MEP1A: variants seen among roughly 807,000 people sequenced by gnomAD.
The protein encoded by MEP1A is meprin A subunit alpha, also known as N-benzoyl-L-tyrosyl-P-amino-benzoic acid hydrolase subunit alpha.
Under a neutral mutation model 84.5 loss-of-function variants are expected in MEP1A, and 68 were observed. The observed-to-expected ratio is 0.80, with a 90% confidence interval of 0.66 to 0.98. The LOEUF (loss-of-function observed/expected upper bound fraction) is 0.98, where lower values mean the gene tolerates loss of function less well. Among genes scored for constraint, MEP1A ranks in the 50% least tolerant of loss-of-function variants. The probability of loss-of-function intolerance (pLI) is 0.00; values close to 1 mark genes in which losing one functional copy is unlikely to be tolerated. For missense variants in MEP1A, 887 were observed against 919.9 expected, an observed-to-expected ratio of 0.96 and a Z score of 0.46; for synonymous variants, 337 against 336.8, an observed-to-expected ratio of 1.00 and a Z score of -0.01.
Position 46,833,510 on chromosome 6 carries a change from C to T in MEP1A, c.1581C>T (p.Phe527=), listed in dbSNP as rs868163445. Residue 527 remains phenylalanine, a synonymous_variant, in exon 11 of 14, where the codon TTC becomes TTT. Coordinates refer to ENST00000230588, the MANE Select transcript of MEP1A (RefSeq NM_005588.3). The part of the protein sequence containing the change: ...VRNRMSSSMV[F]TTSKSHTSPA... ...ACAGGATGTCCTCAAGCATGGTGTT[C>T]ACTACCTCGAAGTCGCACACATCTC... 6.2e-7 allele frequency: 1 copy of T among 1,614,032 alleles called. No homozygotes were observed. Among genetic ancestry groups the T allele is most frequent in the Non-Finnish European group, 8.5e-7 (1 of 1,179,986 alleles).
Position 46,825,342 on chromosome 6 carries a change from GT to G in MEP1A, c.628del (p.Ser210LeufsTer2). ...ACCTCAATACACCCTATGATTATGA[GT>G]CTTTGATGCACTACCAGCCTTTCTC... ...TDLNTPYDYESLMHYQPFSFN... is the reference protein window; with the variant it reads ...TDLNTPYDYEXLMHYQPFSFN... On this transcript the variant is annotated frameshift_variant, in exon 8 of 14. Coordinates refer to ENST00000230588, the MANE Select transcript of MEP1A (RefSeq NM_005588.3). LOFTEE classifies it high-confidence loss of function. The G allele has an allele frequency of 6.2e-7, 1 of 1,613,528 alleles. No individual in the cohort carries two copies. Among genetic ancestry groups the G allele is most frequent in the Non-Finnish European group, 8.5e-7 (1 of 1,179,764 alleles).
intron 7 of MEP1A, among the ~76,000 whole-genome samples, chr6:46,822,701 G>C (rs1767809616): frequency 6.6e-6 from 1 of 151,978 alleles, no homozygotes; most frequent in South Asian, 2.1e-4. Context: ...CCACCACCAT[G>C]CCCAGCTAAT....
rs146111233 is a variant in MEP1A at position 46,809,266 on chromosome 6, A to G, written c.263-154A>G. Among the ~76,000 whole-genome samples the G allele has an allele frequency of 1.6e-3, 246 of 152,256 alleles. 3 individuals carry two copies. The highest frequency in any genetic ancestry group is 5.5e-3 in the African/African-American group (229 of 41,562). ...TGCAGATGTCCACAACCAATTTTGC[A>G]GTTTTAGTTACCAGGAAATCTATTT... On this transcript the variant is annotated intron_variant, in intron 5 of 13. Coordinates refer to ENST00000230588, the MANE Select transcript of MEP1A (RefSeq NM_005588.3).
intron 6 of MEP1A, among the ~76,000 whole-genome samples, chr6:46,815,243 C>G (rs1218012598): frequency 6.6e-6 from 1 of 152,158 alleles, no homozygotes; most frequent in Non-Finnish European, 1.5e-5. Context: ...AGCTCAGCCT[C>G]TCCTTGGGCA....
chr6:46,825,375 C>T lies in MEP1A; in HGVS notation c.660C>T (p.Asn220=), dbSNP rs1388121082. The T allele has an allele frequency of 1.2e-6, 2 of 1,613,228 alleles. No homozygotes were observed. Among genetic ancestry groups the T allele is most frequent in the Admixed American group, 1.7e-5 (1 of 59,984 alleles). Residue 220 remains asparagine, a synonymous_variant, in exon 8 of 14, where the codon AAC becomes AAT. Coordinates refer to ENST00000230588, the MANE Select transcript of MEP1A (RefSeq NM_005588.3). ...TGCACTACCAGCCTTTCTCATTTAA[C>T]AAGAATGCAAGTGTTCCCACCATCA... ...SLMHYQPFSF[N]KNASVPTITA...
Position 46,819,615 on chromosome 6 carries a change from A to T in MEP1A, c.467A>T (p.Glu156Val). 1 of 1,614,152 alleles carries T rather than the reference A, an allele frequency of 6.2e-7. No individual in the cohort carries two copies. The highest frequency in any genetic ancestry group is 8.5e-7 in the Non-Finnish European group (1 of 1,179,994). Residue 156 changes from glutamate (E) to valine (V), a missense_variant, in exon 7 of 14, where the codon GAG becomes GTG. Glu to Val is a moderately radical substitution (Grantham distance 121). Coordinates refer to ENST00000230588, the MANE Select transcript of MEP1A (RefSeq NM_005588.3). ...GCCTATAAGGCCATCATAGAACACG[A>T]GATCCTGCATGCTTTGGGATTTTAC... Reference protein sequence around the residue: ...GCAYKAIIEHEILHALGFYHE... With the variant: ...GCAYKAIIEHVILHALGFYHE...
chr6:46,810,703 G>A (rs1036379921), intron 6 of MEP1A, among the ~76,000 whole-genome samples: 1 of 152,066 alleles, frequency 6.6e-6, no homozygotes, highest in Non-Finnish European at 1.5e-5. Flanking sequence ...AATTATCCCA[G>A]CACCGTTTAT....
At chr6:46,826,304 G>T in intron 8 of MEP1A, 50 bp from the exon 9 acceptor site, 1 of 1,517,626 alleles carries the variant, frequency 6.6e-7, no homozygotes, top group Non-Finnish European at 8.9e-7. Flanking sequence ...TTAGCTATTT[G>T]GAATGACTAT....
At chr6:46,797,586 C>A (rs979549528) in intron 3 of MEP1A, among the ~76,000 whole-genome samples, 3 of 152,182 alleles carry the variant, frequency 2.0e-5, no homozygotes, top group Admixed American at 6.5e-5. Flanking sequence ...ATCGTTTTTT[C>A]ATGGGAAAGA....
intron 8 of MEP1A, among the ~76,000 whole-genome samples, chr6:46,826,149 ACT>A (rs976050350): frequency 1.3e-5 from 2 of 151,948 alleles, no homozygotes; most frequent in African/African-American, 2.4e-5. Flanking sequence ...TTTTATCTTG[ACT>A]CTGTGAGGTA....
chr6:46,833,258 A>G lies in MEP1A; in HGVS notation c.1329A>G (p.Gln443=), dbSNP rs572092027. The change falls in exon 11 of 14, where the codon CAA becomes CAG. Residue 443 remains glutamine, a synonymous_variant. Transcript: ENST00000230588. ...TGVWTVRNFS[Q]VLENTSKGDK... is the part of the protein sequence containing the mutation. ...TCTGGACAGTCCGGAATTTCTCCCA[A>G]GTCCTTGAGAACACCAGCAAAGGGG... is the stretch of plus-strand genomic sequence containing the variant. 1.2e-5 allele frequency: 19 copies of G among 1,614,212 alleles called. No individual in the cohort carries two copies. The African/African-American group carries it at 2.4e-4, about 20-fold the overall frequency.
chr6:46,820,327 T>G (rs1410825), intron 7 of MEP1A, among the ~76,000 whole-genome samples: 106,395 of 152,048 alleles, frequency 0.7, 38,248 homozygotes, highest in African/African-American at 0.86. Context: ...CAATGCAAAA[T>G]ACAACAGTTT....
intron 6 of MEP1A, among the ~76,000 whole-genome samples, chr6:46,815,480 T>G (rs1283269687): frequency 1.3e-5 from 2 of 152,178 alleles, no homozygotes; most frequent in Non-Finnish European, 2.9e-5. Flanking sequence ...TTTCCAGTCG[T>G]CTGGTGACCA....
downstream of MEP1A, among the ~76,000 whole-genome samples, chr6:46,843,634 C>T (rs1768370501): frequency 1.3e-5 from 2 of 152,292 alleles, no homozygotes; most frequent in South Asian, 4.1e-4. Context: ...GAATACTTTG[C>T]ATACTATTTA....
At chr6:46,835,786 G>C (rs1336947316) in intron 13 of MEP1A, among the ~76,000 whole-genome samples, 1 of 152,130 alleles carries the variant, frequency 6.6e-6, no homozygotes, top group African/African-American at 2.4e-5. Flanking sequence ...CCCTCTTCTG[G>C]GGTATTGTCA....
chr6:46,793,541 A>AT lies in MEP1A; in HGVS notation c.70-4dup, dbSNP rs762836903. 10 of 1,560,040 alleles carry AT rather than the reference A, an allele frequency of 6.4e-6. No individual in the cohort carries two copies. The highest frequency in any genetic ancestry group is 1.2e-5 in the South Asian group (1 of 85,220). On this transcript the variant is annotated splice_polypyrimidine_tract_variant and intron_variant, in intron 1 of 13. Coordinates refer to ENST00000230588, the MANE Select transcript of MEP1A (RefSeq NM_005588.3). ...TACATTATCCATTTTCTGTATATTT[A>AT]TTTTTTTCAGATTAAGTATCTTCCT... is the stretch of plus-strand genomic sequence containing the variant.
At chr6:46,808,347 G>A (rs1767413113) in intron 5 of MEP1A, among the ~76,000 whole-genome samples, 1 of 151,960 alleles carries the variant, frequency 6.6e-6, no homozygotes, top group South Asian at 2.1e-4. Context: ...ATCTTGATAT[G>A]ACATTATATG....
Position 46,799,083 on chromosome 6 carries a change from C to T in MEP1A, c.187-23C>T, listed in dbSNP as rs1181466749. On this transcript the variant is annotated intron_variant, in intron 4 of 13. Coordinates refer to ENST00000230588, the MANE Select transcript of MEP1A (RefSeq NM_005588.3). The stretch of plus-strand genomic sequence containing the variant: ...GACCTTGAGGACTAGGCTTCCCACT[C>T]ACCTTTACCTTTGTTTTCACAGAAA... 6 of 1,559,414 alleles carry T rather than the reference C, an allele frequency of 3.8e-6. No homozygotes were observed. In the East Asian group the frequency reaches 6.7e-5, roughly 17 times the overall value.
intron 6 of MEP1A, among the ~76,000 whole-genome samples, chr6:46,814,335 A>G (rs1767581497): frequency 6.6e-6 from 1 of 151,928 alleles, no homozygotes; most frequent in African/African-American, 2.4e-5. Flanking sequence ...GTTCGATTCT[A>G]TTGCTGAGAC....
Sources: gnomAD v4.1 joint callset for allele counts (sites outside exome capture counted in the v4.1 genomes callset) on GRCh38, gnomAD v4.1.1 for gene constraint, MANE v1.5 for transcripts, NCBI Gene and HGNC (gene_info 2026-07-23, HGNC 2026-07-21) for gene names.